Variants in KCNJ6 observed in about 807,000 individuals in gnomAD.
KCNJ6 encodes the protein G protein-activated inward rectifier potassium channel 2.
In KCNJ6, 9 loss-of-function variants were observed where a neutral mutation model predicts 34.2. The ratio of observed to expected loss-of-function variants is 0.26; its 90% CI spans 0.16 to 0.46. The LOEUF (loss-of-function observed/expected upper bound fraction) is 0.46. KCNJ6 is among the 20% of genes least tolerant of loss of function. The pLI is 1.00. For missense variants in KCNJ6, 236 were observed against 531.3 expected (o/e 0.44, Z 5.46); for synonymous variants, 196 against 207.1 (o/e 0.95, Z 0.46).
chr21:37,748,616 G>A (rs897537682), intron 2 of KCNJ6, among the ~76,000 whole-genome samples: 1 of 152,190 alleles, frequency 6.6e-6, no homozygotes, highest in Non-Finnish European at 1.5e-5. Flanking sequence ...TTAGTGGAAC[G>A]CTTCAAAGCC....
chr21:37,733,173 G>A (rs747408866), intron 2 of KCNJ6, among the ~76,000 whole-genome samples: 5 of 152,170 alleles, frequency 3.3e-5, no homozygotes, highest in Non-Finnish European at 7.3e-5. Context: ...CCCTCTGGAT[G>A]TATTTCAGTG....
intron 1 of KCNJ6, among the ~76,000 whole-genome samples, chr21:37,876,570 T>C (rs1239157848): frequency 6.6e-6 from 1 of 151,994 alleles, no homozygotes; most frequent in Middle Eastern, 3.4e-3. Context: ...TGCATATATG[T>C]TCTGTCCTTT....
intron 2 of KCNJ6, among the ~76,000 whole-genome samples, chr21:37,800,955 T>C (rs1168495312): frequency 1.3e-5 from 2 of 152,192 alleles, no homozygotes; most frequent in Non-Finnish European, 2.9e-5. Context: ...TGGATGCCTC[T>C]GCGGAGGTTG....
Position 37,609,578 on chromosome 21 carries a change from TTATGATTAATAA to T in KCNJ6, c.*15569_*15580del, listed in dbSNP as rs1461400786. Reference sequence around the variant, plus strand: ...GGAAAGACAAATACAATGAATTATCTTATGATTAATAATGAAAAGTGGCCACTATTTTCCATT... The same window carrying T: ...GGAAAGACAAATACAATGAATTATCTTGAAAAGTGGCCACTATTTTCCATT... On this transcript the variant is annotated 3_prime_UTR_variant, in exon 4 of 4. Transcript: ENST00000609713. The T allele has an allele frequency of 6.6e-6, 1 of 152,224 alleles. No homozygotes were observed. The highest frequency in any genetic ancestry group is 1.5e-5 in the Non-Finnish European group (1 of 68,050). The allele number at this position is 152,224 out of a possible 1,614,324, so 9.4% of individuals were successfully genotyped here.
chr21:37,828,609 G>T (rs2055410092), intron 2 of KCNJ6, among the ~76,000 whole-genome samples: 1 of 152,250 alleles, frequency 6.6e-6, no homozygotes, highest in Non-Finnish European at 1.5e-5. Flanking sequence ...CTCCAAGCAG[G>T]TGTTTGCATC....
intron 2 of KCNJ6, among the ~76,000 whole-genome samples, chr21:37,782,228 G>T (rs2123513443): frequency 6.6e-6 from 1 of 152,210 alleles, no homozygotes; most frequent in African/African-American, 2.4e-5. Flanking sequence ...GCAAGGGAAA[G>T]GGTCCTCCCT....
At position 37,614,559 on chromosome 21, in the gene KCNJ6, C is replaced by CGT. The variant is rs1364806587; in HGVS notation, c.*10598_*10599dup. 1 of 88,706 alleles carries CGT rather than the reference C, an allele frequency of 1.1e-5. No individual in the cohort carries two copies. Among genetic ancestry groups the CGT allele is most frequent in the Non-Finnish European group, 2.3e-5 (1 of 44,414 alleles). The allele number at this position is 88,706 out of a possible 1,614,324, so 5.5% of individuals were successfully genotyped here. On this transcript the variant is annotated 3_prime_UTR_variant, in exon 4 of 4. Coordinates refer to ENST00000609713, the MANE Select transcript of KCNJ6 (RefSeq NM_002240.5). ...CTCTGTGTATGCGTGTGTGTGTATGCGTGTGTGTATGCATGTGTCTCTGTA... is the reference window on the plus strand; with the variant it reads ...CTCTGTGTATGCGTGTGTGTGTATGCGTGTGTGTGTATGCATGTGTCTCTGTA...
At chr21:37,819,932 T>C (rs1351748286) in intron 2 of KCNJ6, among the ~76,000 whole-genome samples, 1 of 148,790 alleles carries the variant, frequency 6.7e-6, no homozygotes, top group Non-Finnish European at 1.5e-5. Flanking sequence ...TTACAGGCGC[T>C]CATCACCACA....
intron 2 of KCNJ6, among the ~76,000 whole-genome samples, chr21:37,761,391 AGT>A (rs989500926): frequency 1.2e-4 from 17 of 141,538 alleles, no homozygotes; most frequent in South Asian, 1.1e-3. Flanking sequence ...TGTTGTATGT[AGT>A]GTGTGTGTAT....
chr21:37,790,911 T>C (rs1443145411), intron 2 of KCNJ6, among the ~76,000 whole-genome samples: 1 of 152,238 alleles, frequency 6.6e-6, no homozygotes, highest in Non-Finnish European at 1.5e-5. Flanking sequence ...TAATACCTCA[T>C]CCAAGGGCTC....
chr21:37,782,733 C>T (rs2055175502), intron 2 of KCNJ6, among the ~76,000 whole-genome samples: 1 of 152,162 alleles, frequency 6.6e-6, no homozygotes, highest in Non-Finnish European at 1.5e-5. Context: ...AAGTTGGACA[C>T]CTCTTTTCTA....
chr21:37,809,203 T>G lies in KCNJ6; in HGVS notation c.25+31455A>C, dbSNP rs573362179. 2.6e-5 allele frequency among the ~76,000 whole-genome samples: 4 copies of G among 152,198 alleles called. No homozygotes were observed. The East Asian group carries it at 7.7e-4, about 29-fold the overall frequency. On this transcript the variant is annotated intron_variant, in intron 2 of 3. Transcript: ENST00000609713. The stretch of plus-strand genomic sequence containing the variant: ...TGGAATACTATGCAGCCATAAAAAA[T>G]GATGAGTTCATGTCCTTTGTAGGGA...
intron 2 of KCNJ6, among the ~76,000 whole-genome samples, chr21:37,790,626 T>C (rs1049348655): frequency 6.6e-6 from 1 of 152,212 alleles, no homozygotes; most frequent in South Asian, 2.1e-4. Context: ...CGTAGGTTTT[T>C]ATAACAAAAC....
At chr21:37,808,545 A>G (rs2055305114) in intron 2 of KCNJ6, among the ~76,000 whole-genome samples, 2 of 152,248 alleles carry the variant, frequency 1.3e-5, no homozygotes, top group Non-Finnish European at 1.5e-5. Flanking sequence ...AGCTAATCCA[A>G]TAATAACGCT....
At chr21:37,876,265 C>A (rs1038617225) in intron 1 of KCNJ6, among the ~76,000 whole-genome samples, 1 of 152,120 alleles carries the variant, frequency 6.6e-6, no homozygotes, top group African/African-American at 2.4e-5. Flanking sequence ...GGGACAGACA[C>A]CCATAATATT....
intron 3 of KCNJ6, among the ~76,000 whole-genome samples, chr21:37,647,641 T>G (rs1482650491): frequency 6.6e-6 from 1 of 152,188 alleles, no homozygotes; most frequent in Admixed American, 6.5e-5. Context: ...ACAGTCTCCA[T>G]GCTCCAGAGT....
intron 2 of KCNJ6, among the ~76,000 whole-genome samples, chr21:37,783,647 T>G (rs184732725): frequency 1.2e-4 from 18 of 152,318 alleles, no homozygotes; most frequent in Middle Eastern, 3.4e-3. Context: ...TTCTGTAATC[T>G]CTTGTTAGAG....
chr21:37,761,529 G>A (rs1249313677), intron 2 of KCNJ6, among the ~76,000 whole-genome samples: 1 of 144,840 alleles, frequency 6.9e-6, no homozygotes, highest in African/African-American at 2.6e-5. Flanking sequence ...TTGTGTGTGT[G>A]GTGTGTGTCG....
At chr21:37,828,893 T>C (rs1256802912) in intron 2 of KCNJ6, among the ~76,000 whole-genome samples, 3 of 152,204 alleles carry the variant, frequency 2.0e-5, no homozygotes, top group Admixed American at 6.5e-5. Flanking sequence ...AGCTTTTCTC[T>C]TGGCCACACA....
Sources: allele counts gnomAD v4.1 joint callset (sites outside exome capture counted in the v4.1 genomes callset), GRCh38; gene constraint gnomAD v4.1.1; transcripts MANE v1.5; gene names NCBI Gene and HGNC (gene_info 2026-07-23, HGNC 2026-07-21).